MAP4: variants seen among roughly 807,000 people sequenced by gnomAD.
MAP4 encodes the protein microtubule associated protein 4.
Under a neutral mutation model 170.2 loss-of-function variants are expected in MAP4, and 76 were observed. The observed-to-expected ratio is 0.45, with a 90% confidence interval of 0.37 to 0.54. The LOEUF is 0.54. MAP4 is among the 20% of genes least tolerant of loss of function. The pLI, the probability that MAP4 is intolerant of heterozygous loss-of-function variation, is 0.00. For synonymous variants in MAP4, 909 were observed against 994.5 expected, an observed-to-expected ratio of 0.91 and a Z score of 1.62; for missense variants, 2,506 against 2,748.0, an observed-to-expected ratio of 0.91 and a Z score of 1.97.
In MAP4 at chr3:47,912,343, G is replaced by C. The variant is rs1308742386; in HGVS notation, c.2078C>G (p.Pro693Arg). Residue 693 changes from proline (P) to arginine (R), a missense_variant, in exon 9 of 21, where the codon CCC becomes CGC. This residue lies in a region of MAP4 where 2,008 missense variants were observed against 2,206.0 expected (regional missense o/e 0.91). Coordinates refer to ENST00000683076, the MANE Select transcript of MAP4 (RefSeq NM_001385682.1). ...CTCAGGAGGGACCCTGGCAGGCTTG[G>C]GCCGGGTTGACCTGCGGTCACTGGG... is the stretch of plus-strand genomic sequence containing the variant. ...CRPSDRRSTR[P>R]KPARVPPELL... The C allele has an allele frequency of 6.8e-5, 104 of 1,535,908 alleles. No homozygotes were observed. Among genetic ancestry groups the C allele is most frequent in the Non-Finnish European group, 8.3e-5 (95 of 1,146,850 alleles).
At chr3:47,857,161 A>G (rs1454260103) in intron 18 of MAP4, among the ~76,000 whole-genome samples, 3 of 152,202 alleles carry the variant, frequency 2.0e-5, no homozygotes, top group Admixed American at 2.0e-4. Context: ...CCACTTCCCC[A>G]GGCCTAGCTC....
intron 3 of MAP4, among the ~76,000 whole-genome samples, chr3:47,976,685 C>T (rs1477559396): frequency 6.6e-6 from 1 of 152,150 alleles, no homozygotes; most frequent in Non-Finnish European, 1.5e-5. Flanking sequence ...ACAAAAACAT[C>T]AATTCACAAA....
At chr3:47,876,444 T>C (rs1010784072) in intron 11 of MAP4, among the ~76,000 whole-genome samples, 1 of 152,220 alleles carries the variant, frequency 6.6e-6, no homozygotes, top group Non-Finnish European at 1.5e-5. Context: ...GAATAGTTTC[T>C]TAATGATAGT....
At position 47,998,834 on chromosome 3, in the gene MAP4, T is replaced by TG; in HGVS notation, c.26dup (p.Leu10IlefsTer9). ...CAATGTCTGGAGATGGTTCTGTTAATGCATCTGCAAGACTGAGGTCAGCCA... is the reference window on the plus strand; with the variant it reads ...CAATGTCTGGAGATGGTTCTGTTAATGGCATCTGCAAGACTGAGGTCAGCCA... On this transcript the variant is annotated frameshift_variant, in exon 2 of 21. Transcript: ENST00000683076. LOFTEE classifies it high-confidence loss of function. 1 of 1,614,164 alleles carries TG rather than the reference T, an allele frequency of 6.2e-7. No homozygotes were observed. The highest frequency in any genetic ancestry group is 8.5e-7 in the Non-Finnish European group (1 of 1,179,984).
intron 3 of MAP4, among the ~76,000 whole-genome samples, chr3:47,944,786 A>C (rs1476636944): frequency 3.6e-4 from 54 of 151,800 alleles, no homozygotes; most frequent in Admixed American, 3.5e-3. Flanking sequence ...TCCCCTATAG[A>C]AGAATCTATG....
intron 1 of MAP4, among the ~76,000 whole-genome samples, chr3:48,037,620 C>T (rs1490590361): frequency 6.6e-6 from 1 of 152,040 alleles, no homozygotes; most frequent in African/African-American, 2.4e-5. Flanking sequence ...GTCTCAAACT[C>T]CTGGGCCCAA....
Position 48,025,292 on chromosome 3 carries a change from C to CTT in MAP4, c.-19-26415_-19-26414dup, listed in dbSNP as rs35840095. 3.7e-3 allele frequency among the ~76,000 whole-genome samples: 503 copies of CTT among 137,174 alleles called. 7 individuals carry two copies. Among genetic ancestry groups the CTT allele is most frequent in the African/African-American group, 0.013 (477 of 37,434 alleles). 90.0% of individuals were successfully genotyped at this position (137,174 alleles called of 152,430 possible). ...TTTATTAGGTATACATACCTACACA[C>CTT]TTTTTTTTTTTTTTTTTTGAGACAG... On this transcript the variant is annotated intron_variant, in intron 1 of 18. Coordinates refer to the MAP4 transcript ENST00000360240.
Position 48,071,013 on chromosome 3 carries a change from G to A in MAP4, c.-20+17760C>T, listed in dbSNP as rs563176224. Among the ~76,000 whole-genome samples the A allele has an allele frequency of 2.6e-5, 4 of 151,624 alleles. No homozygotes were observed. In the East Asian group the frequency reaches 7.8e-4, roughly 30 times the overall value. ...GCACTCCAGCCTGGGTGACAGAGTG[G>A]GACCTTGTCTCAAAAAAATAAATAA... is the stretch of plus-strand genomic sequence containing the variant. On this transcript the variant is annotated intron_variant, in intron 1 of 18. Transcript: ENST00000360240.
At chr3:48,064,122 C>G (rs934703596) in intron 1 of MAP4, among the ~76,000 whole-genome samples, 1 of 152,222 alleles carries the variant, frequency 6.6e-6, no homozygotes, top group Admixed American at 6.5e-5. Flanking sequence ...GGGGACTAGA[C>G]TGCCTTTGCA....
At chr3:48,026,253 C>T (rs1459919874) in intron 1 of MAP4, among the ~76,000 whole-genome samples, 2 of 152,152 alleles carry the variant, frequency 1.3e-5, no homozygotes, top group African/African-American at 4.8e-5. Flanking sequence ...ATTGAGTTTG[C>T]CTTGTCAGGC....
At chr3:47,975,245 C>T (rs916001963) in intron 3 of MAP4, 9 of 1,313,838 alleles carry the variant, frequency 6.9e-6, no homozygotes, top group Middle Eastern at 2.2e-4. Flanking sequence ...GGAAATGAGG[C>T]TCCATCAAAC....
rs2095245935 is a variant in MAP4, at chr3:47,875,842, G to A, written c.5600C>T (p.Thr1867Ile). ...GGGAGCTGGCTGCTTAGGGAGAGAA[G>A]TGGGCTGTGTTTTGGCTTTCGATGT... ...TSTSKAKTQP[T>I]SLPKQPAPTT... Residue 1867 changes from threonine to isoleucine, a missense_variant, in exon 12 of 21, where the codon ACT becomes ATT. Physicochemically the swap from Thr to Ile is moderately conservative, Grantham distance 89. Transcript: ENST00000683076. 2 of 1,613,862 alleles carry A rather than the reference G, an allele frequency of 1.2e-6. No individual in the cohort carries two copies. Among genetic ancestry groups the A allele is most frequent in the Non-Finnish European group, 1.7e-6 (2 of 1,179,962 alleles).
At chr3:47,959,686 G>A (rs1334247052) in intron 3 of MAP4, among the ~76,000 whole-genome samples, 4 of 150,902 alleles carry the variant, frequency 2.7e-5, no homozygotes, top group African/African-American at 9.8e-5. Context: ...GTGAACCCGG[G>A]AGGTGGAGCA....
intron 2 of MAP4, chr3:47,987,455 A>G (rs1486252427): frequency 6.7e-7 from 1 of 1,484,302 alleles, no homozygotes; most frequent in East Asian, 2.5e-5. Flanking sequence ...AGGGAACAGA[A>G]GTCAGGGAAT....
intron 1 of MAP4, among the ~76,000 whole-genome samples, chr3:48,076,498 T>C (rs2100143977): frequency 6.9e-6 from 1 of 144,872 alleles, no homozygotes; most frequent in South Asian, 2.2e-4. Flanking sequence ...CGAGACTACA[T>C]CTTAAAAAAA....
intron 3 of MAP4, among the ~76,000 whole-genome samples, chr3:47,955,472 ACACACACAC>A (rs2100067269): frequency 6.6e-6 from 1 of 151,240 alleles, no homozygotes; most frequent in Non-Finnish European, 1.5e-5. Flanking sequence ...ACACACACAC[ACACACACAC>A]TAGTCAACTA....
At chr3:48,049,388 G>A (rs1281342570) in intron 1 of MAP4, among the ~76,000 whole-genome samples, 2 of 152,114 alleles carry the variant, frequency 1.3e-5, no homozygotes, top group Non-Finnish European at 2.9e-5. Flanking sequence ...GGGAGGCCAA[G>A]GCAGGAGGAT....
chr3:47,954,024 A>C (rs1035466020), intron 3 of MAP4, among the ~76,000 whole-genome samples: 3 of 151,836 alleles, frequency 2.0e-5, no homozygotes, highest in African/African-American at 7.3e-5. Flanking sequence ...AAAAAAACAA[A>C]AAAAAAAACA....
intron 1 of MAP4, among the ~76,000 whole-genome samples, chr3:48,036,594 T>C (rs2100118845): frequency 6.6e-6 from 1 of 152,242 alleles, no homozygotes; most frequent in Non-Finnish European, 1.5e-5. Context: ...ACATAGGGTA[T>C]GCCCCTCCAG....
Sources: allele counts gnomAD v4.1 joint callset (sites outside exome capture counted in the v4.1 genomes callset), GRCh38; gene constraint gnomAD v4.1.1; regional missense constraint gnomAD v4.1.1; transcripts MANE v1.5; gene names NCBI Gene and HGNC (gene_info 2026-07-23, HGNC 2026-07-21).